The following REV3L variants were observed in gnomAD, a reference collection of about 807,000 sequenced individuals.
REV3L encodes REV3 like, DNA directed polymerase zeta catalytic subunit.
A neutral mutation model predicts 299.4 loss-of-function variants in REV3L; 69 were observed. The ratio of observed to expected loss-of-function variants is 0.23; its 90% CI spans 0.19 to 0.28. REV3L has a LOEUF of 0.28. Among genes scored for constraint, REV3L ranks in the 10% least tolerant of loss-of-function variants. The pLI is 1.00. For missense variants in REV3L, 3,128 were observed against 3,693.8 expected (o/e 0.85, Z 3.97); for synonymous variants, 1,238 against 1,271.4 (o/e 0.97, Z 0.56).
rs1779911551 is a variant in REV3L at position 111,372,627 on chromosome 6, T to C, written c.5728A>G (p.Ser1910Gly). Residue 1910 changes from serine to glycine, a missense_variant, in exon 13 of 32, where the codon AGT (serine) becomes GGT (glycine). Around this residue, in one of 9 missense-constraint regions of REV3L, gnomAD observed 2,409 missense variants for 2,611.8 expected, o/e 0.92. Transcript: ENST00000368802. ...TTTTCTGGTACATCAGAAGGATTAC[T>C]GCAAAATGGTTCCTGGTAAATAGTC... ...SETIYQEPFC[S>G]NPSDVPEKPR... is the part of the protein sequence containing the mutation. 1 of 1,511,578 alleles carries C rather than the reference T, an allele frequency of 6.6e-7. No homozygotes were observed. The highest frequency in any genetic ancestry group is 1.4e-5 in the African/African-American group (1 of 71,604). 93.6% of individuals were successfully genotyped at this position (1,511,578 alleles called of 1,614,324 possible).
intron 26 of REV3L, among the ~76,000 whole-genome samples, chr6:111,322,005 C>T (rs1201370756): frequency 2.0e-5 from 3 of 152,100 alleles, no homozygotes; most frequent in African/African-American, 4.8e-5. Context: ...TTATTAATAA[C>T]GTGCCTTCAA....
rs765263572 is a variant in REV3L, at chr6:111,482,817, T to C, written c.72A>G (p.Gln24=). 2.9e-5 allele frequency: 44 copies of C among 1,501,570 alleles called. No individual in the cohort carries two copies. In the Middle Eastern group the frequency reaches 5.2e-4, roughly 18 times the overall value. The allele number at this position is 1,501,570 out of a possible 1,614,324, so 93.0% of individuals were successfully genotyped here. The part of the protein sequence containing the change: ...ASPLQGLDTC[Q]SPLTQAPVKK... ...TGACAGGGGCCTGGGTGAGGGGGGA[T>C]TGGCAGGTATCCAGCCCCTGCAGCG... Residue 24 remains glutamine (Q), a synonymous_variant, in exon 1 of 32, where the codon CAA becomes CAG. Transcript: ENST00000368802.
In REV3L at chr6:111,389,092, T is replaced by C. The variant is rs756401540; in HGVS notation, c.862+14A>G. On this transcript the variant is annotated intron_variant, in intron 7 of 31. Coordinates refer to ENST00000368802, the MANE Select transcript of REV3L (RefSeq NM_001372078.1). ...TGATTTAAAAGAATAATCAGAGCACTATTAGGTTTATACCTTGTGACTCAG... is the reference window on the plus strand; with the variant it reads ...TGATTTAAAAGAATAATCAGAGCACCATTAGGTTTATACCTTGTGACTCAG... 2 of 1,572,868 alleles carry C rather than the reference T, an allele frequency of 1.3e-6. No individual in the cohort carries two copies. The highest frequency in any genetic ancestry group is 2.2e-5 in the South Asian group (2 of 89,950).
At chr6:111,431,411 T>TC in intron 1 of REV3L, 2 of 992,368 alleles carry the variant, frequency 2.0e-6, no homozygotes, top group South Asian at 2.5e-5. Context: ...ACTTTGGCGT[T>TC]CCGGTTAAAG....
chr6:111,431,394 G>T (rs1786908056), intron 1 of REV3L: 1 of 973,746 alleles, frequency 1.0e-6, no homozygotes, highest in Admixed American at 1.7e-5. Flanking sequence ...GCTGAAAGCA[G>T]TAACAAACTT....
At position 111,307,373 on chromosome 6, in the gene REV3L, C is replaced by A. The variant is rs1267072136; in HGVS notation, c.9240G>T (p.Glu3080Asp). ...AACAAAACTGTACCTTTACAAGTTG[C>A]TCCTGTTGACGTTCCAACTCCCGGA... ...QEIRELERQQ[E>D]QLVKICKNCT... Residue 3080 changes from glutamate (E) to aspartate (D), a missense_variant, in exon 31 of 32, where the codon GAG (glutamate) becomes GAT (aspartate). Transcript: ENST00000368802. 2 of 1,613,852 alleles carry A rather than the reference C, an allele frequency of 1.2e-6. No individual in the cohort carries two copies. The highest frequency in any genetic ancestry group is 1.7e-6 in the Non-Finnish European group (2 of 1,179,898).
Position 111,380,013 on chromosome 6 carries a change from T to C in REV3L, c.1423A>G (p.Ser475Gly). The C allele has an allele frequency of 6.2e-7, 1 of 1,613,652 alleles. No individual in the cohort carries two copies. Among genetic ancestry groups the C allele is most frequent in the Non-Finnish European group, 8.5e-7 (1 of 1,179,614 alleles). ...TTGGCACAATGTTCTTCAATATTGC[T>C]GTCCCATCTCTGGGACATCACCAAA... Reference protein sequence around the residue: ...LSLVMSQRWDSNIEEHCAKKR... With the variant: ...LSLVMSQRWDGNIEEHCAKKR... Residue 475 changes from serine (S) to glycine (G), a missense_variant, in exon 11 of 32, where the codon AGC becomes GGC. Ser to Gly is a moderately conservative substitution (Grantham distance 56). Transcript: ENST00000368802.
intron 23 of REV3L, among the ~76,000 whole-genome samples, chr6:111,332,074 A>G (rs1201204106): frequency 6.6e-6 from 1 of 152,026 alleles, no homozygotes; most frequent in Non-Finnish European, 1.5e-5. Context: ...TATTTATTTT[A>G]TTATTATTAT....
At chr6:111,467,724 G>C (rs1298285969) in intron 1 of REV3L, among the ~76,000 whole-genome samples, 2 of 152,144 alleles carry the variant, frequency 1.3e-5, no homozygotes, top group Non-Finnish European at 2.9e-5. Context: ...AATATGCTTA[G>C]GTTATTTTAT....
Position 111,482,428 on chromosome 6 carries a change from G to A in REV3L, c.139+322C>T, listed in dbSNP as rs56278902. Among the ~76,000 whole-genome samples, 675 of 152,266 alleles carry A rather than the reference G, an allele frequency of 4.4e-3. 2 individuals are homozygous for A. The highest frequency in any genetic ancestry group is 7.1e-3 in the Non-Finnish European group (486 of 68,012). On this transcript the variant is annotated intron_variant, in intron 1 of 31. Coordinates refer to ENST00000368802, the MANE Select transcript of REV3L (RefSeq NM_001372078.1). Reference sequence around the variant, plus strand: ...CGCGGCCACCTGGCCCGCCGTCCGGGGCGCCCGCGGCTTTCGCTCTCCCGG... The same window carrying A: ...CGCGGCCACCTGGCCCGCCGTCCGGAGCGCCCGCGGCTTTCGCTCTCCCGG...
At chr6:111,452,006 C>G (rs372684212) in intron 1 of REV3L, among the ~76,000 whole-genome samples, 4 of 151,868 alleles carry the variant, frequency 2.6e-5, no homozygotes, top group South Asian at 2.1e-4. Flanking sequence ...AATAAAGAAC[C>G]CTTTCAACTC....
At chr6:111,325,039 T>G (rs1438237192) in intron 25 of REV3L, among the ~76,000 whole-genome samples, 3 of 152,158 alleles carry the variant, frequency 2.0e-5, no homozygotes, top group African/African-American at 7.2e-5. Flanking sequence ...TTTTTTGTAT[T>G]TTTAGTAAAG....
chr6:111,483,037 G>C lies in REV3L; in HGVS notation c.-149C>G, dbSNP rs546350610. On this transcript the variant is annotated 5_prime_UTR_variant, in exon 1 of 32. Coordinates refer to ENST00000368802, the MANE Select transcript of REV3L (RefSeq NM_001372078.1). ...ACACAGAGGCACCTCGAGGAGCGGC[G>C]GGCGGGGCGGTGTAGGCGCTGCTGC... The C allele has an allele frequency of 2.9e-6, 3 of 1,021,968 alleles. No homozygotes were observed. Among genetic ancestry groups the C allele is most frequent in the Admixed American group, 8.4e-5 (2 of 23,750 alleles). 63.3% of individuals were successfully genotyped at this position (1,021,968 alleles called of 1,614,324 possible). A position where few individuals can be genotyped will look rare whatever the true frequency, so the allele number is the denominator to read the frequency against.
At chr6:111,475,356 C>G (rs894017087) in intron 1 of REV3L, among the ~76,000 whole-genome samples, 34 of 152,148 alleles carry the variant, frequency 2.2e-4, no homozygotes, top group Non-Finnish European at 4.7e-4. Flanking sequence ...TATGCAAAAT[C>G]TTCTAGAGAA....
chr6:111,309,106 G>A (rs1008828964), intron 30 of REV3L: 8 of 152,348 alleles, frequency 5.3e-5, no homozygotes, highest in African/African-American at 1.9e-4. Flanking sequence ...GCCCCAGTGG[G>A]TGTGTGTTAC....
In REV3L at chr6:111,342,587, G is replaced by C. The variant is rs1582601915; in HGVS notation, c.7538+1338C>G. On this transcript the variant is annotated intron_variant, in intron 21 of 31. Transcript: ENST00000368802. The stretch of plus-strand genomic sequence containing the variant: ...GGAGGCTGAGGCAGGAGAATGGCGT[G>C]AACTCGGGAGGCGGAGCTTGCAGTG... Among the ~76,000 whole-genome samples the C allele has an allele frequency of 1.3e-5, 2 of 151,702 alleles. 1 individual carries two copies. The highest frequency in any genetic ancestry group is 3.9e-4 in the East Asian group (2 of 5,138).
At chr6:111,405,758 GA>G (rs1783554141) in intron 3 of REV3L, 128 bp from the exon 4 acceptor site, 1 of 580,894 alleles carries the variant, frequency 1.7e-6, no homozygotes, top group East Asian at 3.4e-5. Context: ...AATTTTACCG[GA>G]AATTTGTATT....
chr6:111,385,622 CTT>C (rs891974791), intron 9 of REV3L, among the ~76,000 whole-genome samples: 3 of 148,408 alleles, frequency 2.0e-5, no homozygotes, highest in African/African-American at 7.4e-5. Context: ...CCAAGGATAA[CTT>C]TTTTTTTTAA....
chr6:111,483,591 A>T (rs774264586), upstream of REV3L: 1 of 459,664 alleles, frequency 2.2e-6, no homozygotes, highest in South Asian at 1.6e-5. Context: ...TGCGATGCTC[A>T]CACTTGCCTC....
Sources: allele counts gnomAD v4.1 joint callset (sites outside exome capture counted in the v4.1 genomes callset), GRCh38; gene constraint gnomAD v4.1.1; regional missense constraint gnomAD v4.1.1; transcripts MANE v1.5; gene names NCBI Gene and HGNC (gene_info 2026-07-23, HGNC 2026-07-21).